FOXO3: variants seen among roughly 807,000 people sequenced by gnomAD.
FOXO3 encodes forkhead box protein O3.
In FOXO3, 4 loss-of-function variants were observed where a neutral mutation model predicts 41.9. The observed-to-expected ratio is 0.10, with a 90% CI of 0.05 to 0.22. The LOEUF is 0.22. Ranked by LOEUF, FOXO3 falls within the 10% of genes least tolerant of loss-of-function variation. The pLI is 1.00. For missense variants in FOXO3, 534 were observed against 906.8 expected, an observed-to-expected ratio of 0.59 and a Z score of 5.28; for synonymous variants, 318 against 389.3, an observed-to-expected ratio of 0.82 and a Z score of 2.16.
intron 1 of FOXO3, among the ~76,000 whole-genome samples, chr6:108,654,097 G>T (rs1296030892): frequency 6.6e-6 from 1 of 152,118 alleles, no homozygotes; most frequent in Non-Finnish European, 1.5e-5. Flanking sequence ...CAGTCTATGG[G>T]GAGAGGGACC....
At chr6:108,580,533 A>G (rs759999318) in intron 1 of FOXO3, among the ~76,000 whole-genome samples, 22 of 152,306 alleles carry the variant, frequency 1.4e-4, no homozygotes, top group African/African-American at 4.8e-4. Flanking sequence ...CGAAACGGCT[A>G]AGTGACTTGG....
chr6:108,566,263 A>G (rs937804006), intron 1 of FOXO3, among the ~76,000 whole-genome samples: 6 of 152,204 alleles, frequency 3.9e-5, no homozygotes, highest in African/African-American at 1.4e-4. Flanking sequence ...AGAAAATGAA[A>G]TGAAACTACA....
intron 1 of FOXO3, among the ~76,000 whole-genome samples, chr6:108,600,603 A>C (rs1025802855): frequency 2.0e-5 from 3 of 151,544 alleles, no homozygotes; most frequent in Non-Finnish European, 4.4e-5. Context: ...AAAATTTAGA[A>C]GCCAGAGATT....
At chr6:108,570,434 T>C (rs539250920) in intron 1 of FOXO3, among the ~76,000 whole-genome samples, 1 of 152,314 alleles carries the variant, frequency 6.6e-6, no homozygotes, top group South Asian at 2.1e-4. Flanking sequence ...GCTATGATCC[T>C]CCTGCCTCAG....
At chr6:108,569,266 G>A (rs1776025009) in intron 1 of FOXO3, among the ~76,000 whole-genome samples, 1 of 152,186 alleles carries the variant, frequency 6.6e-6, no homozygotes, top group African/African-American at 2.4e-5. Context: ...ATGTGGTTAG[G>A]CTAGTGATGA....
chr6:108,589,432 G>A (rs1352822309), intron 1 of FOXO3, among the ~76,000 whole-genome samples: 1 of 152,198 alleles, frequency 6.6e-6, no homozygotes, highest in East Asian at 1.9e-4. Context: ...TACTAAGAAG[G>A]ACTGTGTGCT....
intron 1 of FOXO3, among the ~76,000 whole-genome samples, chr6:108,654,261 C>G (rs12203787): frequency 0.15 from 22,320 of 151,766 alleles, 1,806 homozygotes; most frequent in African/African-American, 0.23. Flanking sequence ...TCCAAGAGCA[C>G]AAACAGCTGT....
chr6:108,636,943 C>A (rs761089542), intron 1 of FOXO3, among the ~76,000 whole-genome samples: 1 of 152,128 alleles, frequency 6.6e-6, no homozygotes, highest in Non-Finnish European at 1.5e-5. Flanking sequence ...TCCCCCTGTT[C>A]CGAATAAGGA....
chr6:108,662,108 C>T (rs143586281), intron 1 of FOXO3, among the ~76,000 whole-genome samples: 5 of 152,082 alleles, frequency 3.3e-5, no homozygotes, highest in East Asian at 3.9e-4. Context: ...TACCTTTAGC[C>T]GTCATATCTC....
At chr6:108,569,987 G>GTTTTTTTTTTTTTTTTTTTTTTTTTTTTT (rs71015551) in intron 1 of FOXO3, among the ~76,000 whole-genome samples, 1 of 73,246 alleles carries the variant, frequency 1.4e-5, no homozygotes, top group Non-Finnish European at 2.4e-5. Context: ...CCCTTGCGTG[G>GTTTTTTTTTTTTTTTTTTTTTTTTTTTTT]TTTTTTTTTT....
intron 1 of FOXO3, among the ~76,000 whole-genome samples, chr6:108,569,508 C>T (rs9384682): frequency 6.6e-6 from 1 of 152,210 alleles, no homozygotes; most frequent in African/African-American, 2.4e-5. Flanking sequence ...TCGCTTGTTC[C>T]ACTTTTCACT....
At chr6:108,601,003 C>G (rs1777036990) in intron 1 of FOXO3, among the ~76,000 whole-genome samples, 1 of 152,052 alleles carries the variant, frequency 6.6e-6, no homozygotes, top group African/African-American at 2.4e-5. Context: ...CTGCAAGGAT[C>G]CTTCCTATTG....
At chr6:108,577,028 G>A (rs1221076413) in intron 1 of FOXO3, among the ~76,000 whole-genome samples, 1 of 152,084 alleles carries the variant, frequency 6.6e-6, no homozygotes. Context: ...GCTATTGAGT[G>A]CTCTGAGAGT....
At chr6:108,602,854 C>G (rs1483243142) in intron 1 of FOXO3, among the ~76,000 whole-genome samples, 4 of 152,040 alleles carry the variant, frequency 2.6e-5, no homozygotes, top group Non-Finnish European at 2.9e-5. Flanking sequence ...ACTGCTAAGA[C>G]AAGGTAGAGT....
At chr6:108,636,484 G>A (rs1404898789) in intron 1 of FOXO3, among the ~76,000 whole-genome samples, 1 of 152,066 alleles carries the variant, frequency 6.6e-6, no homozygotes, top group Non-Finnish European at 1.5e-5. Flanking sequence ...AGTGGAACTG[G>A]GCTGGGGTGG....
At chr6:108,582,324 T>G (rs777466552) in intron 1 of FOXO3, among the ~76,000 whole-genome samples, 2 of 152,198 alleles carry the variant, frequency 1.3e-5, no homozygotes, top group Non-Finnish European at 2.9e-5. Flanking sequence ...GTTCCCAGCC[T>G]TGTGTTGTTG....
At chr6:108,562,157 C>T (rs950175696) in intron 1 of FOXO3, among the ~76,000 whole-genome samples, 11 of 151,912 alleles carry the variant, frequency 7.2e-5, no homozygotes, top group African/African-American at 2.4e-4. Flanking sequence ...GGTCCGCAGC[C>T]AACTTTGGAG....
chr6:108,653,301 A>G (rs560225356), intron 1 of FOXO3, among the ~76,000 whole-genome samples: 1 of 152,284 alleles, frequency 6.6e-6, no homozygotes, highest in Admixed American at 6.5e-5. Context: ...ACCCCCTACT[A>G]TGTACCAGGC....
chr6:108,561,566 A>C lies in FOXO3; in HGVS notation c.358A>C (p.Ser120Arg). The change falls in exon 1 of 3, where the codon AGC becomes CGC. Residue 120 changes from serine (S) to arginine (R), a missense_variant. Ser to Arg is a moderately radical substitution (Grantham distance 110). Transcript: ENST00000406360. ...SGPATAAGGL[S>R]GGTQALLQPQ... ...GCCAGCCACCGCGGCGGGCGGGCTGAGCGGGGGTACACAGGCGCTGCTGCA... is the reference window on the plus strand; with the variant it reads ...GCCAGCCACCGCGGCGGGCGGGCTGCGCGGGGGTACACAGGCGCTGCTGCA... The C allele has an allele frequency of 6.9e-7, 1 of 1,448,982 alleles. No homozygotes were observed. The highest frequency in any genetic ancestry group is 1.5e-5 in the African/African-American group (1 of 67,646). The allele number at this position is 1,448,982 out of a possible 1,614,324, so 89.8% of individuals were successfully genotyped here. A position where few individuals can be genotyped will look rare whatever the true frequency, so the allele number is the denominator to read the frequency against.
Sources: gnomAD v4.1 joint callset for allele counts (sites outside exome capture counted in the v4.1 genomes callset) on GRCh38, gnomAD v4.1.1 for gene constraint, MANE v1.5 for transcripts, NCBI Gene and HGNC (gene_info 2026-07-23, HGNC 2026-07-21) for gene names.